PDGFD: variants seen among roughly 807,000 people sequenced by gnomAD.
The protein encoded by PDGFD is platelet-derived growth factor D.
Under a neutral mutation model 44.7 loss-of-function variants are expected in PDGFD, and 30 were observed. The observed-to-expected ratio is 0.67, with a 90% confidence interval of 0.50 to 0.91. The LOEUF (loss-of-function observed/expected upper bound fraction) is 0.91. PDGFD is among the 40% of genes least tolerant of loss of function. The pLI is 0.00. For missense variants in PDGFD, 445 were observed against 457.8 expected (o/e 0.97, Z 0.25); for synonymous variants, 173 against 168.4 (o/e 1.03, Z -0.21).
intron 3 of PDGFD, among the ~76,000 whole-genome samples, chr11:103,958,445 T>C (rs992361806): frequency 6.6e-6 from 1 of 152,200 alleles, no homozygotes; most frequent in Non-Finnish European, 1.5e-5. Context: ...GATTGTACTT[T>C]TGATATTGCT....
At chr11:103,942,015 A>G (rs1302706290) in intron 5 of PDGFD, among the ~76,000 whole-genome samples, 1 of 152,102 alleles carries the variant, frequency 6.6e-6, no homozygotes, top group Non-Finnish European at 1.5e-5. Flanking sequence ...TGCACATGGC[A>G]TATCTCCATA....
intron 3 of PDGFD, among the ~76,000 whole-genome samples, chr11:103,985,130 T>TATTTAATATATAATATATTA (rs1859341710): frequency 1.4e-5 from 2 of 141,482 alleles, no homozygotes; most frequent in Admixed American, 1.5e-4. Flanking sequence ...TATATTAATT[T>TATTTAATATATAATATATTA]ATTTAATATA....
chr11:103,990,156 G>A (rs1859428234), intron 3 of PDGFD, among the ~76,000 whole-genome samples: 1 of 152,168 alleles, frequency 6.6e-6, no homozygotes, highest in Non-Finnish European at 1.5e-5. Flanking sequence ...TGAGAGAGGA[G>A]TGACCTACTG....
chr11:104,025,512 A>G (rs1447424761), intron 1 of PDGFD, among the ~76,000 whole-genome samples: 1 of 152,192 alleles, frequency 6.6e-6, no homozygotes, highest in Non-Finnish European at 1.5e-5. Flanking sequence ...CATTGAGACA[A>G]GGATGTAGAT....
intron 1 of PDGFD, among the ~76,000 whole-genome samples, chr11:104,149,403 G>T (rs748056382): frequency 1.3e-5 from 2 of 152,124 alleles, no homozygotes; most frequent in African/African-American, 4.8e-5. Flanking sequence ...ATAAATGTGA[G>T]CTATACATAC....
At chr11:104,129,781 G>T (rs192003992) in intron 1 of PDGFD, among the ~76,000 whole-genome samples, 1 of 152,218 alleles carries the variant, frequency 6.6e-6, no homozygotes, top group East Asian at 1.9e-4. Context: ...GGCTGAGGTG[G>T]GTGGATCACC....
At chr11:103,997,611 C>T (rs1383705035) in intron 2 of PDGFD, among the ~76,000 whole-genome samples, 1 of 152,066 alleles carries the variant, frequency 6.6e-6, no homozygotes, top group Non-Finnish European at 1.5e-5. Flanking sequence ...AAAGCACTAA[C>T]AAAGTATCAT....
chr11:104,033,983 T>C (rs552079509), intron 1 of PDGFD, among the ~76,000 whole-genome samples: 89 of 152,292 alleles, frequency 5.8e-4, no homozygotes, highest in African/African-American at 2.1e-3. Context: ...AAATAATCCT[T>C]ATATGATGAA....
At chr11:103,957,341 T>A in intron 3 of PDGFD, among the ~76,000 whole-genome samples, 1 of 152,164 alleles carries the variant, frequency 6.6e-6, no homozygotes, top group South Asian at 2.1e-4. Context: ...ACCAATGACT[T>A]TCTTCACAGA....
intron 1 of PDGFD, among the ~76,000 whole-genome samples, chr11:104,052,734 C>A (rs916235655): frequency 6.6e-6 from 1 of 152,156 alleles, no homozygotes; most frequent in Non-Finnish European, 1.5e-5. Flanking sequence ...TGTTTCTAAA[C>A]TGATACCCTC....
intron 5 of PDGFD, among the ~76,000 whole-genome samples, chr11:103,938,378 T>C (rs1037262829): frequency 2.0e-5 from 3 of 152,260 alleles, no homozygotes; most frequent in African/African-American, 7.2e-5. Flanking sequence ...GTTCATATCC[T>C]TCACCCACTT....
intron 3 of PDGFD, among the ~76,000 whole-genome samples, chr11:103,987,441 A>G (rs1168069909): frequency 6.6e-6 from 1 of 152,122 alleles, no homozygotes; most frequent in Non-Finnish European, 1.5e-5. Context: ...GACCATTTGT[A>G]ACCAGACTTG....
At chr11:104,089,889 T>G (rs1489102167) in intron 1 of PDGFD, among the ~76,000 whole-genome samples, 1 of 152,168 alleles carries the variant, frequency 6.6e-6, no homozygotes, top group African/African-American at 2.4e-5. Flanking sequence ...ATTGTATAGA[T>G]TCTATTGGTT....
intron 5 of PDGFD, among the ~76,000 whole-genome samples, chr11:103,937,175 T>C (rs1004798021): frequency 2.0e-5 from 3 of 152,192 alleles, no homozygotes; most frequent in Non-Finnish European, 2.9e-5. Flanking sequence ...CATGTGTATC[T>C]AAAAATGATT....
chr11:104,001,299 G>A lies in PDGFD; in HGVS notation c.125-1044C>T, dbSNP rs188657866. 1.1e-4 allele frequency among the ~76,000 whole-genome samples: 16 copies of A among 152,300 alleles called. No individual in the cohort carries two copies. In the South Asian group the frequency reaches 1.2e-3, roughly 12 times the overall value. ...ATGTACTAGCAGGCTGATGTGTCCC[G>A]AGGACACAGAAGCTTCATGCTTGAG... On this transcript the variant is annotated intron_variant, in intron 1 of 6. Transcript: ENST00000393158.
At chr11:104,105,078 CAT>C (rs1861453720) in intron 1 of PDGFD, among the ~76,000 whole-genome samples, 1 of 152,074 alleles carries the variant, frequency 6.6e-6, no homozygotes, top group Non-Finnish European at 1.5e-5. Flanking sequence ...AGACATTACT[CAT>C]ATAAGTAACC....
rs1401290766 is a variant in PDGFD at position 103,908,396 on chromosome 11, C to T, written c.*1298G>A. 2.6e-5 allele frequency: 4 copies of T among 152,190 alleles called. No individual in the cohort carries two copies. 9.4% of individuals were successfully genotyped at this position (152,190 alleles called of 1,614,324 possible). A position where few individuals can be genotyped will look rare whatever the true frequency, so the allele number is the denominator to read the frequency against. ...CAGCAGGGCCAAACTTGTGTTACCA[C>T]AATTGACAACTGGCTTCTTAAAGCA... On this transcript the variant is annotated 3_prime_UTR_variant, in exon 7 of 7. Transcript: ENST00000393158.
chr11:104,115,496 A>T (rs971446267), intron 1 of PDGFD, among the ~76,000 whole-genome samples: 6 of 151,912 alleles, frequency 3.9e-5, no homozygotes, highest in Non-Finnish European at 5.9e-5. Context: ...TGGTATAAAC[A>T]TGTGTGCGCA....
At chr11:103,947,084 A>T (rs1858677992) in intron 4 of PDGFD, among the ~76,000 whole-genome samples, 1 of 152,228 alleles carries the variant, frequency 6.6e-6, no homozygotes, top group African/African-American at 2.4e-5. Context: ...TTCTGTGCAA[A>T]GTAGATAAGG....
Sources: gnomAD v4.1 joint callset for allele counts (sites outside exome capture counted in the v4.1 genomes callset) on GRCh38, gnomAD v4.1.1 for gene constraint, MANE v1.5 for transcripts, NCBI Gene and HGNC (gene_info 2026-07-23, HGNC 2026-07-21) for gene names.